Variants in TRPC5 observed in about 807,000 individuals in gnomAD.
The protein encoded by TRPC5 is short transient receptor potential channel 5.
Under a neutral mutation model 56.5 loss-of-function variants are expected in TRPC5, and 9 were observed. That is an observed-to-expected ratio of 0.16 (90% CI 0.10 to 0.28). TRPC5 has a LOEUF of 0.28. Among genes scored for constraint, TRPC5 ranks in the 10% least tolerant of loss-of-function variants. The probability of loss-of-function intolerance (pLI) is 1.00; values close to 1 mark genes in which losing one functional copy is unlikely to be tolerated. For synonymous variants in TRPC5, 282 were observed against 278.5 expected (o/e 1.01, Z -0.13); for missense variants, 469 against 748.9 (o/e 0.63, Z 4.36).
chrX:111,796,510 C>T (rs1289497508), intron 7 of TRPC5, among the ~76,000 whole-genome samples: 1 of 111,901 alleles, frequency 8.9e-6, no homozygotes, highest in Non-Finnish European at 1.9e-5. Context: ...TGTTTAGTGA[C>T]TTTCTTTGAC....
chrX:112,076,576 G>T (rs1348325432), intron 1 of TRPC5, among the ~76,000 whole-genome samples: 2 of 111,877 alleles, frequency 1.8e-5, no homozygotes, highest in African/African-American at 6.5e-5. Context: ...ACCTAGTTCT[G>T]CTCCTAGAAT....
chrX:112,005,975 G>C (rs992016263), intron 1 of TRPC5, among the ~76,000 whole-genome samples: 1 of 111,274 alleles, frequency 9.0e-6, no homozygotes, highest in East Asian at 2.8e-4. Context: ...GGAAGGTGGC[G>C]GCGGGGGGCA....
In TRPC5 at chrX:112,046,891, G is replaced by T. The variant is rs1359249514; in HGVS notation, c.-22+34988C>A. Among the ~76,000 whole-genome samples the T allele has an allele frequency of 7.2e-5, 8 of 111,274 alleles. No homozygotes were observed. The Admixed American group carries it at 7.6e-4, about 11-fold the overall frequency. On this transcript the variant is annotated intron_variant, in intron 1 of 10. Coordinates refer to ENST00000262839, the MANE Select transcript of TRPC5 (RefSeq NM_012471.3). Reference sequence around the variant, plus strand: ...TGTCCGCTTCTCTCTTTTCACTTTTGTCTCACTTATCCTGACCACAATGTG... The same window carrying T: ...TGTCCGCTTCTCTCTTTTCACTTTTTTCTCACTTATCCTGACCACAATGTG...
chrX:111,868,031 C>T (rs761586214), intron 3 of TRPC5, among the ~76,000 whole-genome samples: 1 of 112,180 alleles, frequency 8.9e-6, no homozygotes, highest in Non-Finnish European at 1.9e-5. Context: ...AACTGAGGCT[C>T]AGAGAGGTTA....
intron 1 of TRPC5, among the ~76,000 whole-genome samples, chrX:112,004,132 AGAG>A (rs1053814673): frequency 7.1e-5 from 8 of 112,228 alleles, no homozygotes; most frequent in African/African-American, 9.7e-5. Flanking sequence ...GCTATGCAGC[AGAG>A]AAGTGGTGGA....
intron 7 of TRPC5, among the ~76,000 whole-genome samples, chrX:111,829,447 A>T (rs1392535833): frequency 2.7e-5 from 3 of 111,857 alleles, no homozygotes; most frequent in Non-Finnish European, 3.8e-5. Flanking sequence ...AATCACTAAG[A>T]TAATGGGGAA....
At chrX:111,913,898 G>T (rs958047114) in intron 2 of TRPC5, among the ~76,000 whole-genome samples, 5 of 107,432 alleles carry the variant, frequency 4.7e-5, no homozygotes, top group East Asian at 5.9e-4. Flanking sequence ...AGGCAGAGCT[G>T]GCAGTGAGCC....
chrX:112,038,750 C>T lies in TRPC5; in HGVS notation c.-22+43129G>A, dbSNP rs770481230. ...AGGCTGGAGTGCAATGGCGCGATCT[C>T]GGCTCACTGCAAGCTCCGCCTCCTG... On this transcript the variant is annotated intron_variant, in intron 1 of 10. Transcript: ENST00000262839. Among the ~76,000 whole-genome samples, 206 of 109,008 alleles carry T rather than the reference C, an allele frequency of 1.9e-3. 1 individual carries two copies. Among genetic ancestry groups the T allele is most frequent in the African/African-American group, 6.5e-3 (194 of 29,897 alleles). The allele number at this position is 109,008 out of a possible 115,157, so 94.7% of individuals were successfully genotyped here.
At chrX:112,057,705 C>G (rs1264192625) in intron 1 of TRPC5, among the ~76,000 whole-genome samples, 1 of 112,172 alleles carries the variant, frequency 8.9e-6, no homozygotes, top group African/African-American at 3.2e-5. Context: ...TAACTGAGAT[C>G]TCAAATAGAT....
chrX:111,829,163 G>A (rs936143089), intron 7 of TRPC5, among the ~76,000 whole-genome samples: 221 of 108,671 alleles, frequency 2.0e-3, no homozygotes, highest in African/African-American at 6.6e-3. Flanking sequence ...TTAGCCAGGT[G>A]TGGTGGCAGG....
chrX:111,961,674 T>A (rs1376689952), intron 1 of TRPC5, among the ~76,000 whole-genome samples: 1 of 112,295 alleles, frequency 8.9e-6, no homozygotes, highest in African/African-American at 3.2e-5. Flanking sequence ...TACATAAAGA[T>A]CTTCACATAT....
intron 1 of TRPC5, among the ~76,000 whole-genome samples, chrX:112,015,955 G>A (rs1603146512): frequency 8.9e-6 from 1 of 111,773 alleles, no homozygotes; most frequent in African/African-American, 3.3e-5. Context: ...TATTTAAAGA[G>A]AGTTGTTGTT....
intron 1 of TRPC5, among the ~76,000 whole-genome samples, chrX:112,055,088 G>T (rs1251775014): frequency 8.9e-6 from 1 of 112,259 alleles, no homozygotes; most frequent in East Asian, 2.8e-4. Flanking sequence ...ATATATTGCA[G>T]TTTGTGTGTG....
At chrX:111,953,229 C>A (rs978895404) in intron 1 of TRPC5, among the ~76,000 whole-genome samples, 2 of 112,076 alleles carry the variant, frequency 1.8e-5, no homozygotes, top group African/African-American at 6.5e-5. Context: ...AAATGAAAAG[C>A]TAACAGATCT....
chrX:112,061,152 G>A (rs750665610), intron 1 of TRPC5, among the ~76,000 whole-genome samples: 49 of 112,418 alleles, frequency 4.4e-4, no homozygotes, highest in African/African-American at 1.5e-3. Context: ...AACATACACA[G>A]AGTTTCTTGG....
intron 2 of TRPC5, among the ~76,000 whole-genome samples, chrX:111,914,735 A>C (rs1196326211): frequency 8.9e-6 from 1 of 112,270 alleles, no homozygotes; most frequent in Non-Finnish European, 1.9e-5. Flanking sequence ...CACAGGAAAG[A>C]GTAATCTCAG....
intron 3 of TRPC5, among the ~76,000 whole-genome samples, chrX:111,861,489 G>T (rs1923404199): frequency 9.0e-6 from 1 of 111,228 alleles, no homozygotes; most frequent in Admixed American, 9.6e-5. Flanking sequence ...TAATTTTTAA[G>T]AAAAACAATT....
intron 7 of TRPC5, among the ~76,000 whole-genome samples, chrX:111,784,210 G>A (rs759283444): frequency 8.9e-6 from 1 of 111,926 alleles, no homozygotes; most frequent in Non-Finnish European, 1.9e-5. Flanking sequence ...GGAAAGCATA[G>A]GAGTAAATCT....
At chrX:112,029,247 A>G (rs1281063440) in intron 1 of TRPC5, among the ~76,000 whole-genome samples, 1 of 111,559 alleles carries the variant, frequency 9.0e-6, no homozygotes, top group Non-Finnish European at 1.9e-5. Flanking sequence ...ATGTAATATA[A>G]TGTCTTCTGT....
Sources: allele counts gnomAD v4.1 joint callset (sites outside exome capture counted in the v4.1 genomes callset), GRCh38; gene constraint gnomAD v4.1.1; transcripts MANE v1.5; gene names NCBI Gene and HGNC (gene_info 2026-07-23, HGNC 2026-07-21).